CLRN1: variants seen among roughly 807,000 people sequenced by gnomAD.
CLRN1 encodes the protein clarin 1, also known as clarin-1.
In CLRN1, 15 loss-of-function variants were observed where a neutral mutation model predicts 18.7. That is an observed-to-expected ratio of 0.80 (90% CI 0.54 to 1.23). The LOEUF (loss-of-function observed/expected upper bound fraction) is 1.23. Among genes scored for constraint, CLRN1 ranks in the 50% most tolerant of loss-of-function variants. CLRN1 has a pLI of 0.00. For synonymous variants in CLRN1, 104 were observed against 102.9 expected (o/e 1.01, Z -0.07); for missense variants, 311 against 277.5 (o/e 1.12, Z -0.86).
intron 1 of CLRN1, among the ~76,000 whole-genome samples, chr3:150,944,717 T>C (rs1714073256): frequency 6.6e-6 from 1 of 150,898 alleles, no homozygotes; most frequent in South Asian, 2.1e-4. Context: ...GTCCCACCAC[T>C]GCACTCCAGC....
At chr3:150,955,235 G>C (rs555089402) in intron 1 of CLRN1, among the ~76,000 whole-genome samples, 2 of 152,320 alleles carry the variant, frequency 1.3e-5, no homozygotes, top group African/African-American at 2.4e-5. Flanking sequence ...CAAGGGGTTG[G>C]GGGTAGGAGA....
chr3:150,946,247 T>C (rs903455979), intron 1 of CLRN1, among the ~76,000 whole-genome samples: 9 of 152,222 alleles, frequency 5.9e-5, no homozygotes, highest in African/African-American at 2.2e-4. Context: ...TCTGATTTAA[T>C]TCTCTCAACA....
At chr3:150,939,178 A>AG in intron 2 of CLRN1, among the ~76,000 whole-genome samples, 1 of 152,276 alleles carries the variant, frequency 6.6e-6, no homozygotes, top group East Asian at 1.9e-4. Flanking sequence ...CATGAGCACC[A>AG]GGGGGAGAGA....
intron 1 of CLRN1, chr3:150,945,800 A>T: frequency 2.2e-6 from 1 of 454,180 alleles, no homozygotes; most frequent in Non-Finnish European, 3.5e-6. Context: ...GGAAATGGGG[A>T]CCCTTGTGCA....
At chr3:150,971,425 A>G (rs1715529433) in intron 1 of CLRN1, among the ~76,000 whole-genome samples, 1 of 152,242 alleles carries the variant, frequency 6.6e-6, no homozygotes, top group African/African-American at 2.4e-5. Context: ...AATGTTGCAG[A>G]AATATAAATA....
chr3:150,963,270 A>G (rs1336711465), intron 1 of CLRN1, among the ~76,000 whole-genome samples: 4 of 152,212 alleles, frequency 2.6e-5, no homozygotes, highest in Non-Finnish European at 5.9e-5. Flanking sequence ...TACACCAATA[A>G]CAGACAAACA....
At chr3:150,970,691 G>A (rs985027044) in intron 1 of CLRN1, among the ~76,000 whole-genome samples, 9 of 152,134 alleles carry the variant, frequency 5.9e-5, no homozygotes, top group Non-Finnish European at 1.0e-4. Flanking sequence ...ACTAGGCTAG[G>A]GGGAGAATGT....
chr3:150,933,400 G>A (rs1213440510), intron 2 of CLRN1, among the ~76,000 whole-genome samples: 1 of 152,114 alleles, frequency 6.6e-6, no homozygotes, highest in African/African-American at 2.4e-5. Flanking sequence ...GGATGGCCAG[G>A]GGAGGCCTCA....
chr3:150,964,000 G>A (rs1040904870), intron 1 of CLRN1, among the ~76,000 whole-genome samples: 6 of 152,042 alleles, frequency 3.9e-5, no homozygotes, highest in Admixed American at 1.3e-4. Context: ...GGACATAGGC[G>A]TGGGCAAAGA....
chr3:150,941,098 C>T (rs1393385592), intron 2 of CLRN1, among the ~76,000 whole-genome samples: 1 of 151,342 alleles, frequency 6.6e-6, no homozygotes, highest in African/African-American at 2.4e-5. Context: ...TCAGAGACAA[C>T]CACGACCAAC....
intron 1 of CLRN1, among the ~76,000 whole-genome samples, chr3:150,963,791 C>T (rs1487558411): frequency 2.0e-5 from 3 of 152,132 alleles, no homozygotes; most frequent in African/African-American, 7.2e-5. Flanking sequence ...CTTTGACAAA[C>T]CTGACAAAAA....
Position 150,945,300 on chromosome 3 carries a change from A to T in CLRN1, c.254-3539T>A, listed in dbSNP as rs114561954. On this transcript the variant is annotated intron_variant, in intron 1 of 2. Transcript: ENST00000327047. ...ACCCAACCAAGAAGACTGGGAAAAG[A>T]GTGATTTGTGAATTAGGAGCAGACC... Among the ~76,000 whole-genome samples the T allele has an allele frequency of 9.9e-3, 1,507 of 152,318 alleles. 27 individuals are homozygous for T. Among genetic ancestry groups the T allele is most frequent in the African/African-American group, 0.034 (1,416 of 41,566 alleles).
At chr3:150,964,564 CA>C (rs1324051818) in intron 1 of CLRN1, among the ~76,000 whole-genome samples, 2 of 152,270 alleles carry the variant, frequency 1.3e-5, no homozygotes, top group East Asian at 3.9e-4. Context: ...GGTCTATACC[CA>C]AAGGATTATA....
At chr3:150,942,672 A>G (rs1713924370) in intron 1 of CLRN1, 1 of 423,084 alleles carries the variant, frequency 2.4e-6, no homozygotes, top group South Asian at 1.7e-5. Flanking sequence ...TAGAAAGCAA[A>G]CAAACAAATA....
chr3:150,928,984 T>C (rs960487441), intron 2 of CLRN1, among the ~76,000 whole-genome samples: 2 of 152,210 alleles, frequency 1.3e-5, no homozygotes, highest in Non-Finnish European at 1.5e-5. Flanking sequence ...AGCATACATT[T>C]TGGACCAATG....
intron 2 of CLRN1, chr3:150,940,361 C>T: frequency 1.2e-6 from 1 of 821,856 alleles, no homozygotes; most frequent in Non-Finnish European, 1.8e-6. Flanking sequence ...AGAGGCTACA[C>T]TGCAAGTGAC....
chr3:150,947,293 GA>G (rs60969746), intron 1 of CLRN1, among the ~76,000 whole-genome samples: 6,086 of 150,646 alleles, frequency 0.04, 384 homozygotes, highest in African/African-American at 0.14. Flanking sequence ...AACCAACAAA[GA>G]AAAAAAAAGA....
intron 1 of CLRN1, among the ~76,000 whole-genome samples, chr3:150,971,597 A>C (rs978772579): frequency 6.6e-6 from 1 of 152,212 alleles, no homozygotes; most frequent in Non-Finnish European, 1.5e-5. Context: ...TGATTTATGC[A>C]GTAATTTACT....
intron 1 of CLRN1, among the ~76,000 whole-genome samples, chr3:150,969,616 G>A (rs985385590): frequency 5.3e-5 from 8 of 152,072 alleles, no homozygotes; most frequent in Admixed American, 5.2e-4. Flanking sequence ...GTGAGCCACT[G>A]CACCCGGCCT....
Sources: allele counts gnomAD v4.1 joint callset (sites outside exome capture counted in the v4.1 genomes callset), GRCh38; gene constraint gnomAD v4.1.1; transcripts MANE v1.5; gene names NCBI Gene and HGNC (gene_info 2026-07-23, HGNC 2026-07-21).